Variants in UTRN observed in about 807,000 individuals in gnomAD.
UTRN encodes the protein dystrophin-related protein 1.
UTRN carries 283 observed loss-of-function variants against 463.9 expected under a neutral mutation model. The observed-to-expected ratio is 0.61, with a 90% CI of 0.55 to 0.67. The LOEUF (loss-of-function observed/expected upper bound fraction) is 0.67, where lower values mean the gene tolerates loss of function less well. Among genes scored for constraint, UTRN ranks in the 30% least tolerant of loss-of-function variants. The pLI, the probability that UTRN is intolerant of heterozygous loss-of-function variation, is 0.00. For synonymous variants in UTRN, 1,442 were observed against 1,431.5 expected, an observed-to-expected ratio of 1.01 and a Z score of -0.17; for missense variants, 3,922 against 4,084.3, an observed-to-expected ratio of 0.96 and a Z score of 1.08.
At position 144,310,568 on chromosome 6, in the gene UTRN, A is replaced by G. The variant is rs535646989; in HGVS notation, c.79+18661A>G. 5.3e-4 allele frequency among the ~76,000 whole-genome samples: 72 copies of G among 136,724 alleles called. No individual in the cohort carries two copies. In the South Asian group the frequency reaches 9.6e-3, roughly 18 times the overall value. The allele number at this position is 136,724 out of a possible 152,430, so 89.7% of individuals were successfully genotyped here. On this transcript the variant is annotated intron_variant, in intron 2 of 74. Transcript: ENST00000367545. ...AAAAAAAAAAATGGCTGGGCATGGT[A>G]GTGCATGCCTGTGGTCCCAGCTACC...
At position 144,554,816 on chromosome 6, in the gene UTRN, A is replaced by G; in HGVS notation, c.7057A>G (p.Arg2353Gly). 6.2e-7 allele frequency: 1 copy of G among 1,614,098 alleles called. No individual in the cohort carries two copies. The highest frequency in any genetic ancestry group is 8.5e-7 in the Non-Finnish European group (1 of 1,179,990). The part of the protein sequence containing the change: ...DHREETEELM[R>G]KYEARLYILQ... Reference sequence around the variant, plus strand: ...TAGGGAGGAGACTGAAGAACTGATGAGAAAATATGAGGCTCGACTCTATAT... The same window carrying G: ...TAGGGAGGAGACTGAAGAACTGATGGGAAAATATGAGGCTCGACTCTATAT... The change falls in exon 49 of 75, where the codon AGA (arginine) becomes GGA (glycine). Residue 2353 changes from arginine (R) to glycine (G), a missense_variant. Arg to Gly is a moderately radical substitution (Grantham distance 125). Transcript: ENST00000367545.
At chr6:144,639,083 A>G (rs1399071277) in intron 51 of UTRN, among the ~76,000 whole-genome samples, 1 of 148,098 alleles carries the variant, frequency 6.8e-6, no homozygotes, top group African/African-American at 2.4e-5. Flanking sequence ...AAATAAAATA[A>G]AATAATAAAA....
chr6:144,713,920 CAA>C (rs535219098), intron 53 of UTRN, among the ~76,000 whole-genome samples: 15 of 101,132 alleles, frequency 1.5e-4, no homozygotes, highest in Admixed American at 2.7e-4. Context: ...AACTCTGTCT[CAA>C]AAAAAAAAAA....
intron 41 of UTRN, among the ~76,000 whole-genome samples, chr6:144,525,772 T>C (rs1400577762): frequency 6.6e-6 from 1 of 152,166 alleles, no homozygotes; most frequent in East Asian, 1.9e-4. Flanking sequence ...GGTGTGACTT[T>C]AGATTGTCTA....
At chr6:144,528,343 A>T (rs1468851343) in intron 41 of UTRN, among the ~76,000 whole-genome samples, 1 of 151,824 alleles carries the variant, frequency 6.6e-6, no homozygotes, top group Non-Finnish European at 1.5e-5. Context: ...GCCTAGTGTG[A>T]TCTTTTTGGG....
chr6:144,646,680 A>G (rs1056985969), intron 51 of UTRN, among the ~76,000 whole-genome samples: 10 of 152,136 alleles, frequency 6.6e-5, no homozygotes, highest in Admixed American at 6.6e-4. Context: ...ACACATAAAA[A>G]TTCAAACTGG....
At chr6:144,468,858 A>G (rs1790212639) in intron 23 of UTRN, among the ~76,000 whole-genome samples, 1 of 152,168 alleles carries the variant, frequency 6.6e-6, no homozygotes, top group African/African-American at 2.4e-5. Context: ...TGATTGTGAC[A>G]ATATTTTGCT....
In UTRN at chr6:144,428,849, A is replaced by C. The variant is rs1239513425; in HGVS notation, c.650A>C (p.Lys217Thr). ...GAGAGACTTGAACATGCCTTCAGCA[A>C]GGCTCAAACTTATTTGGGAATTGAA... ...PIERLEHAFS[K>T]AQTYLGIEKL... is the part of the protein sequence containing the mutation. The change falls in exon 8 of 75, where the codon AAG (lysine) becomes ACG (threonine). Residue 217 changes from lysine to threonine, a missense_variant. Physicochemically the swap from Lys to Thr is moderately conservative, Grantham distance 78. This residue lies in a region of UTRN where 264 missense variants were observed against 327.9 expected (regional missense o/e 0.81). Transcript: ENST00000367545. 1 of 1,612,032 alleles carries C rather than the reference A, an allele frequency of 6.2e-7. No individual in the cohort carries two copies. The highest frequency in any genetic ancestry group is 1.7e-4 in the Middle Eastern group (1 of 6,052).
At chr6:144,623,399 T>C (rs996504690) in intron 51 of UTRN, among the ~76,000 whole-genome samples, 1 of 152,214 alleles carries the variant, frequency 6.6e-6, no homozygotes, top group Non-Finnish European at 1.5e-5. Flanking sequence ...CAAATGACAG[T>C]GATAGTAAGA....
At chr6:144,319,348 A>C (rs1775484226) in intron 2 of UTRN, among the ~76,000 whole-genome samples, 1 of 152,148 alleles carries the variant, frequency 6.6e-6, no homozygotes, top group African/African-American at 2.4e-5. Context: ...TTCGACACTT[A>C]AGGATTTGTT....
At chr6:144,644,895 G>A (rs939252184) in intron 51 of UTRN, among the ~76,000 whole-genome samples, 9 of 152,154 alleles carry the variant, frequency 5.9e-5, no homozygotes, top group African/African-American at 2.2e-4. Context: ...TTCCAGATAA[G>A]CTGCTTGCAC....
chr6:144,840,915 C>T, intron 73 of UTRN, 83 bp downstream of exon 73: 6 of 1,423,294 alleles, frequency 4.2e-6, no homozygotes, highest in Non-Finnish European at 5.8e-6. Flanking sequence ...CGCCTTCTTC[C>T]TTAAGATAAC....
intron 45 of UTRN, among the ~76,000 whole-genome samples, chr6:144,542,464 GA>G (rs573012809): frequency 1.7e-3 from 260 of 152,276 alleles, no homozygotes; most frequent in African/African-American, 5.9e-3. Context: ...AGGAGTTGGT[GA>G]AGGAAATTCA....
chr6:144,356,960 G>T (rs776019346), intron 2 of UTRN, among the ~76,000 whole-genome samples: 6 of 151,752 alleles, frequency 4.0e-5, no homozygotes, highest in Non-Finnish European at 8.8e-5. Context: ...ATCACCACAT[G>T]CATAAAAAAT....
At chr6:144,372,782 C>T (rs182604904) in intron 2 of UTRN, among the ~76,000 whole-genome samples, 50 of 152,156 alleles carry the variant, frequency 3.3e-4, no homozygotes, top group African/African-American at 1.2e-3. Flanking sequence ...AGATTATAGG[C>T]GTGAGTCATC....
At chr6:144,592,396 AAG>A (rs2128632361) in intron 51 of UTRN, among the ~76,000 whole-genome samples, 1 of 152,058 alleles carries the variant, frequency 6.6e-6, no homozygotes, top group East Asian at 1.9e-4. Context: ...TTTTTTAGAC[AAG>A]AGTCTTGCTG....
chr6:144,660,035 TG>T (rs1235390701), intron 51 of UTRN: 1 of 347,810 alleles, frequency 2.9e-6, no homozygotes, highest in East Asian at 7.4e-5. Flanking sequence ...GGACCCACAG[TG>T]GGGTGGCTAA....
chr6:144,297,153 C>T (rs750171096), intron 2 of UTRN, among the ~76,000 whole-genome samples: 12 of 150,092 alleles, frequency 8.0e-5, no homozygotes, highest in Non-Finnish European at 8.8e-5. Context: ...GGTCCTGGTC[C>T]GATGCCCAGA....
intron 65 of UTRN, among the ~76,000 whole-genome samples, chr6:144,813,474 C>A (rs1345046017): frequency 6.6e-6 from 1 of 152,242 alleles, no homozygotes; most frequent in Non-Finnish European, 1.5e-5. Context: ...AGGCATGGGC[C>A]ACCACACCTG....
Sources: gnomAD v4.1 joint callset for allele counts (sites outside exome capture counted in the v4.1 genomes callset) on GRCh38, gnomAD v4.1.1 for gene constraint, gnomAD v4.1.1 regional missense constraint, MANE v1.5 for transcripts, NCBI Gene and HGNC (gene_info 2026-07-23, HGNC 2026-07-21) for gene names.